The following SEPTIN2 variants were observed in gnomAD, a reference collection of about 807,000 sequenced individuals.
SEPTIN2 encodes the protein septin 2, also known as septin-2.
SEPTIN2 carries 34 observed loss-of-function variants against 46.5 expected under a neutral mutation model. The ratio of observed to expected loss-of-function variants is 0.73; its 90% confidence interval spans 0.56 to 0.97. The LOEUF (loss-of-function observed/expected upper bound fraction) is 0.97. Ranked by LOEUF, SEPTIN2 falls within the 50% of genes least tolerant of loss-of-function variation. SEPTIN2 has a pLI of 0.00. For missense variants in SEPTIN2, 347 were observed against 448.4 expected, an observed-to-expected ratio of 0.77 and a Z score of 2.04; for synonymous variants, 175 against 153.4, an observed-to-expected ratio of 1.14 and a Z score of -1.04.
Position 241,326,407 on chromosome 2 carries a change from C to T in SEPTIN2, c.130+294C>T, listed in dbSNP as rs538826284. Among the ~76,000 whole-genome samples the T allele has an allele frequency of 2.6e-5, 4 of 152,292 alleles. No individual in the cohort carries two copies. The South Asian group carries it at 8.3e-4, about 32-fold the overall frequency. On this transcript the variant is annotated intron_variant, in intron 3 of 12. Coordinates refer to ENST00000391971, the MANE Select transcript of SEPTIN2 (RefSeq NM_004404.5). ...GTATTCACAACTTTCTTGTCCCTTC[C>T]TGCATTGAATAGGGTTTTACCTGTG...
intron 3 of SEPTIN2, among the ~76,000 whole-genome samples, chr2:241,332,700 A>G (rs991933251): frequency 6.6e-6 from 1 of 152,274 alleles, no homozygotes; most frequent in African/African-American, 2.4e-5. Context: ...TTTTCTCAAA[A>G]TAGCCCCAAA....
chr2:241,335,346 T>C (rs1194114896), intron 4 of SEPTIN2, 134 bp downstream of exon 4: 18 of 1,552,930 alleles, frequency 1.2e-5, no homozygotes, highest in East Asian at 2.4e-5. Flanking sequence ...AAAACACTTT[T>C]ATGGGGTAGG....
chr2:241,337,493 C>G lies in SEPTIN2; in HGVS notation c.453C>G (p.Tyr151Ter). The G allele has an allele frequency of 6.2e-7, 1 of 1,613,854 alleles. No homozygotes were observed. Among genetic ancestry groups the G allele is most frequent in the Non-Finnish European group, 8.5e-7 (1 of 1,179,938 alleles). ...IIDNRVHCCFYFISPFGHGLK... is the reference protein window; with the variant it reads ...IIDNRVHCCF ...ATAATAGGGTGCATTGTTGCTTTTA[C>G]TTTATTTCACCTTTTGGACATGGGT... The change falls in exon 6 of 13, where the codon TAC (tyrosine) becomes TAG (stop). Residue 151 changes from tyrosine (Y) to a stop codon, truncating the protein, a stop_gained. Transcript: ENST00000391971. LOFTEE classifies it high-confidence loss of function.
Position 241,337,523 on chromosome 2 carries a change from A to G in SEPTIN2, c.476+7A>G. Reference sequence around the variant, plus strand: ...TTTCACCTTTTGGACATGGGTAAGTAATTGTTTATCGTGGAGAAATGCTTT... The same window carrying G: ...TTTCACCTTTTGGACATGGGTAAGTGATTGTTTATCGTGGAGAAATGCTTT... On this transcript the variant is annotated splice_region_variant and intron_variant, in intron 6 of 12. Coordinates refer to ENST00000391971, the MANE Select transcript of SEPTIN2 (RefSeq NM_004404.5). 6.2e-7 allele frequency: 1 copy of G among 1,613,256 alleles called. No homozygotes were observed. Among genetic ancestry groups the G allele is most frequent in the East Asian group, 2.2e-5 (1 of 44,850 alleles).
intron 1 of SEPTIN2, among the ~76,000 whole-genome samples, chr2:241,319,433 C>G (rs977471915): frequency 6.6e-6 from 1 of 152,108 alleles, no homozygotes; most frequent in South Asian, 2.1e-4. Flanking sequence ...TTGTATAGGT[C>G]TTCATGTAAA....
rs113385556 is a variant in SEPTIN2, at chr2:241,329,415, C to A, written c.130+3302C>A. Among the ~76,000 whole-genome samples, 87 of 147,426 alleles carry A rather than the reference C, an allele frequency of 5.9e-4. 2 individuals are homozygous for A. In the East Asian group the frequency reaches 0.016, roughly 27 times the overall value. ...AGCGCTAGGATTAATATAAATCTTA[C>A]ACAGACATCTTCATGAAATAGATGA... On this transcript the variant is annotated intron_variant, in intron 3 of 12. Transcript: ENST00000391971.
intron 3 of SEPTIN2, among the ~76,000 whole-genome samples, chr2:241,330,710 C>G (rs985356174): frequency 1.3e-5 from 2 of 152,158 alleles, no homozygotes; most frequent in African/African-American, 2.4e-5. Context: ...GTATCAATCC[C>G]ATTGGAACAA....
chr2:241,346,825 G>A (rs2060285548), intron 10 of SEPTIN2, among the ~76,000 whole-genome samples: 1 of 152,112 alleles, frequency 6.6e-6, no homozygotes, highest in African/African-American at 2.4e-5. Context: ...GCATCACTCT[G>A]TACGTGAGGA....
chr2:241,336,451 T>C (rs2080003864), intron 5 of SEPTIN2: 2 of 224,264 alleles, frequency 8.9e-6, no homozygotes, highest in African/African-American at 4.6e-5. Context: ...GTAGTGTCTG[T>C]AAATGACTGC....
chr2:241,321,954 A>G (rs2077195032), intron 1 of SEPTIN2, among the ~76,000 whole-genome samples: 2 of 151,878 alleles, frequency 1.3e-5, no homozygotes, highest in Admixed American at 1.3e-4. Context: ...ACTCCTCCAC[A>G]CTCACACTTG....
chr2:241,344,789 G>C (rs947795321), intron 9 of SEPTIN2, among the ~76,000 whole-genome samples: 3 of 152,196 alleles, frequency 2.0e-5, no homozygotes, highest in Non-Finnish European at 4.4e-5. Flanking sequence ...GCTGAGGCCG[G>C]GTGCGGTGGC....
At chr2:241,350,869 G>A (rs898053623) in intron 12 of SEPTIN2, among the ~76,000 whole-genome samples, 1 of 152,154 alleles carries the variant, frequency 6.6e-6, no homozygotes, top group Non-Finnish European at 1.5e-5. Flanking sequence ...CAGGCTCTCT[G>A]AACTGTCCAG....
At chr2:241,334,721 T>A (rs1296244253) in intron 3 of SEPTIN2, among the ~76,000 whole-genome samples, 1 of 152,238 alleles carries the variant, frequency 6.6e-6, no homozygotes, top group East Asian at 1.9e-4. Context: ...GGGATAGATA[T>A]GTTCAGTTTT....
intron 8 of SEPTIN2, 113 bp downstream of exon 8, chr2:241,343,206 A>G (rs551598819): frequency 2.7e-5 from 19 of 694,330 alleles, no homozygotes; most frequent in African/African-American, 7.2e-5. Flanking sequence ...TTTGCTTTCA[A>G]TATATTTTAA....
intron 1 of SEPTIN2, among the ~76,000 whole-genome samples, chr2:241,323,469 G>A (rs777283947): frequency 6.6e-6 from 1 of 152,036 alleles, no homozygotes; most frequent in African/African-American, 2.4e-5. Flanking sequence ...TGTTGGCCAG[G>A]CTGGTCTTGA....
chr2:241,337,351 T>C, intron 5 of SEPTIN2, 31 bp from the exon 6 acceptor site: 1 of 1,602,976 alleles, frequency 6.2e-7, no homozygotes, highest in African/African-American at 1.3e-5. Flanking sequence ...TTATACCCTA[T>C]GATTATTGTT....
intron 7 of SEPTIN2, among the ~76,000 whole-genome samples, chr2:241,338,634 AT>A (rs1559641413): frequency 3.1e-5 from 4 of 130,206 alleles, no homozygotes; most frequent in African/African-American, 1.2e-4. Flanking sequence ...ATTAATAAAT[AT>A]ATATAATATA....
At chr2:241,332,940 T>A (rs565405439) in intron 3 of SEPTIN2, among the ~76,000 whole-genome samples, 2 of 152,192 alleles carry the variant, frequency 1.3e-5, no homozygotes, top group African/African-American at 4.8e-5. Context: ...CAAAGTAGAT[T>A]GGTGTTTGCC....
intron 1 of SEPTIN2, among the ~76,000 whole-genome samples, chr2:241,319,771 T>G (rs781601488): frequency 3.3e-5 from 5 of 152,148 alleles, no homozygotes; most frequent in Non-Finnish European, 5.9e-5. Context: ...TTTTTGTATT[T>G]TTTGTAGAGA....
Sources: allele counts gnomAD v4.1 joint callset (sites outside exome capture counted in the v4.1 genomes callset), GRCh38; gene constraint gnomAD v4.1.1; transcripts MANE v1.5; gene names NCBI Gene and HGNC (gene_info 2026-07-23, HGNC 2026-07-21).